The following DUSP16 variants were observed in gnomAD, a reference collection of about 807,000 sequenced individuals.
The protein encoded by DUSP16 is dual specificity phosphatase 16.
In DUSP16, 21 loss-of-function variants were observed where a neutral mutation model predicts 58.3. The ratio of observed to expected loss-of-function variants is 0.36; its 90% CI spans 0.26 to 0.52. The LOEUF is 0.52. DUSP16 is among the 20% of genes least tolerant of loss of function. The pLI, the probability that DUSP16 is intolerant of heterozygous loss-of-function variation, is 0.94. For synonymous variants in DUSP16, 320 were observed against 323.8 expected (o/e 0.99, Z 0.12); for missense variants, 726 against 819.0 (o/e 0.89, Z 1.39).
chr12:12,555,964 C>T (rs899784888), intron 1 of DUSP16, among the ~76,000 whole-genome samples: 8 of 152,014 alleles, frequency 5.3e-5, no homozygotes, highest in Non-Finnish European at 7.4e-5. Flanking sequence ...TCCCTTGAAC[C>T]GAGGAAGTCA....
intron 4 of DUSP16, among the ~76,000 whole-genome samples, chr12:12,495,541 T>C (rs1286888575): frequency 1.3e-5 from 2 of 152,230 alleles, no homozygotes; most frequent in Non-Finnish European, 2.9e-5. Context: ...AGCTTTCTCC[T>C]GCAGTCAGAC....
Position 12,474,851 on chromosome 12 carries a change from A to C in DUSP16, c.*1982T>G, listed in dbSNP as rs528563975. 2 of 152,376 alleles carry C rather than the reference A, an allele frequency of 1.3e-5. No individual in the cohort carries two copies. Among genetic ancestry groups the C allele is most frequent in the South Asian group, 4.1e-4 (2 of 4,830 alleles). 9.4% of individuals were successfully genotyped at this position (152,376 alleles called of 1,614,324 possible). A position where few individuals can be genotyped will look rare whatever the true frequency, so the allele number is the denominator to read the frequency against. On this transcript the variant is annotated 3_prime_UTR_variant, in exon 7 of 7. Coordinates refer to ENST00000298573, the MANE Select transcript of DUSP16 (RefSeq NM_030640.3). ...TTTGGTGTGTGTGTACATAACATCA[A>C]AAACTACTGTGTGAAACTTGAGAAT...
Position 12,493,596 on chromosome 12 carries a change from C to T in DUSP16, c.532-6409G>A, listed in dbSNP as rs1362661049. Among the ~76,000 whole-genome samples the T allele has an allele frequency of 2.0e-5, 3 of 152,160 alleles. No individual in the cohort carries two copies. The East Asian group carries it at 5.8e-4, about 29-fold the overall frequency. ...GTCTGGATCTGCTCCTGTTACCTCT[C>T]TGACGACACTCTCCCATGCTCACTC... On this transcript the variant is annotated intron_variant, in intron 4 of 6. Transcript: ENST00000298573.
rs929519869 is a variant in DUSP16, at chr12:12,475,557, G to A, written c.*1276C>T. On this transcript the variant is annotated 3_prime_UTR_variant, in exon 7 of 7. Transcript: ENST00000298573. Reference sequence around the variant, plus strand: ...AATGGTCTTCTCAGCTTTCTCAACCGTTTTATTCTGAATATTCCTTCCTCA... The same window carrying A: ...AATGGTCTTCTCAGCTTTCTCAACCATTTTATTCTGAATATTCCTTCCTCA... 2.0e-5 allele frequency: 3 copies of A among 152,144 alleles called. No individual in the cohort carries two copies. Among genetic ancestry groups the A allele is most frequent in the African/African-American group, 7.2e-5 (3 of 41,422 alleles). 9.4% of individuals were successfully genotyped at this position (152,144 alleles called of 1,614,324 possible).
chr12:12,555,762 G>A (rs1018220739), intron 1 of DUSP16, among the ~76,000 whole-genome samples: 16 of 152,256 alleles, frequency 1.1e-4, no homozygotes, highest in African/African-American at 3.9e-4. Context: ...CTAAATTAAG[G>A]CCAAGCATGG....
At chr12:12,512,552 CAT>C (rs1021921913) in intron 3 of DUSP16, among the ~76,000 whole-genome samples, 1 of 152,180 alleles carries the variant, frequency 6.6e-6, no homozygotes, top group Non-Finnish European at 1.5e-5. Context: ...TTTAGATCCA[CAT>C]GTGATACCAT....
At chr12:12,488,702 A>G (rs868042777) in intron 4 of DUSP16, among the ~76,000 whole-genome samples, 4 of 152,206 alleles carry the variant, frequency 2.6e-5, no homozygotes, top group South Asian at 2.1e-4. Flanking sequence ...TTTTCTTCCT[A>G]TATTACCCTT....
chr12:12,558,833 C>T (rs1944851531), intron 1 of DUSP16, among the ~76,000 whole-genome samples: 1 of 152,198 alleles, frequency 6.6e-6, no homozygotes, highest in Non-Finnish European at 1.5e-5. Flanking sequence ...TCTTTCCTTT[C>T]ATGGCAAGAT....
intron 1 of DUSP16, among the ~76,000 whole-genome samples, chr12:12,523,922 C>T (rs1359377033): frequency 2.0e-5 from 3 of 152,236 alleles, no homozygotes; most frequent in South Asian, 2.1e-4. Flanking sequence ...AGTGGAAATC[C>T]GAGAACAAGA....
At chr12:12,505,126 T>G (rs1943973444) in intron 3 of DUSP16, among the ~76,000 whole-genome samples, 1 of 152,208 alleles carries the variant, frequency 6.6e-6, no homozygotes, top group Non-Finnish European at 1.5e-5. Flanking sequence ...CTAATCCCAT[T>G]TATAGATAAG....
chr12:12,536,792 C>A (rs1944470728), intron 1 of DUSP16, among the ~76,000 whole-genome samples: 1 of 151,678 alleles, frequency 6.6e-6, no homozygotes, highest in Non-Finnish European at 1.5e-5. Context: ...AATCCCAACA[C>A]TTTGGGAGGC....
Position 12,476,886 on chromosome 12 carries a change from C to T in DUSP16, c.1945G>A (p.Val649Met). ...ENRSREELGK[V>M]GSQSSFSGSM... is the part of the protein sequence containing the mutation. ...CCCGAAAAGCTAGACTGACTGCCCA[C>T]TTTCCCCAGCTCTTCCCGTGACCTG... The change falls in exon 7 of 7, where the codon GTG (valine) becomes ATG (methionine). Residue 649 changes from valine to methionine, a missense_variant. Val to Met is a conservative substitution (Grantham distance 21). Transcript: ENST00000298573. 1 of 1,613,234 alleles carries T rather than the reference C, an allele frequency of 6.2e-7. No individual in the cohort carries two copies. The highest frequency in any genetic ancestry group is 2.2e-5 in the East Asian group (1 of 44,880).
intron 1 of DUSP16, among the ~76,000 whole-genome samples, chr12:12,540,396 C>T (rs1308146091): frequency 2.6e-5 from 4 of 152,204 alleles, no homozygotes; most frequent in African/African-American, 2.4e-5. Flanking sequence ...CAGGAGTTTT[C>T]GTAACATATT....
Position 12,477,727 on chromosome 12 carries a change from C to T in DUSP16, c.1104G>A (p.Pro368=), listed in dbSNP as rs752199007. ...CCAGCGGGCTGTCCTCTAACAGCGA[C>T]GGCTGCACGCTGGGCACGCTGGGCA... is the stretch of plus-strand genomic sequence containing the variant. ...ASVPSVPSVQ[P]SLLEDSPLVQ... Residue 368 remains proline (P), a synonymous_variant, in exon 7 of 7, where the codon CCG becomes CCA. Transcript: ENST00000298573. This position sits in a 1 kb window ranked among gnomAD's most constrained non-coding sequence, Gnocchi z 4.1. The T allele has an allele frequency of 2.3e-5, 37 of 1,610,196 alleles. No individual in the cohort carries two copies. In the East Asian group the frequency reaches 4.1e-4, roughly 18 times the overall value.
rs142020202 is a variant in DUSP16, at chr12:12,523,250, G to C, written c.-365-1787C>G. Among the ~76,000 whole-genome samples, 678 of 152,190 alleles carry C rather than the reference G, an allele frequency of 4.5e-3. 6 individuals carry two copies. Among genetic ancestry groups the C allele is most frequent in the African/African-American group, 0.015 (629 of 41,500 alleles). On this transcript the variant is annotated intron_variant, in intron 1 of 6. Coordinates refer to ENST00000298573, the MANE Select transcript of DUSP16 (RefSeq NM_030640.3). ...CCTCATCTCTTCAAATTTGGTCTGAGAACAAAATTATCTAATTTATTGAAA... is the reference window on the plus strand; with the variant it reads ...CCTCATCTCTTCAAATTTGGTCTGACAACAAAATTATCTAATTTATTGAAA...
At chr12:12,497,351 G>A (rs1012346586) in intron 4 of DUSP16, among the ~76,000 whole-genome samples, 1 of 152,152 alleles carries the variant, frequency 6.6e-6, no homozygotes, top group South Asian at 2.1e-4. Flanking sequence ...ATAGACTTAA[G>A]ATTTCAGTCC....
intron 3 of DUSP16, among the ~76,000 whole-genome samples, chr12:12,513,107 A>T (rs1480331250): frequency 6.6e-6 from 1 of 152,244 alleles, no homozygotes; most frequent in East Asian, 1.9e-4. Context: ...CGTAGGTCTA[A>T]CTACAATAGT....
intron 1 of DUSP16, among the ~76,000 whole-genome samples, chr12:12,558,560 T>C (rs1228897332): frequency 2.6e-5 from 4 of 152,074 alleles, no homozygotes; most frequent in Non-Finnish European, 5.9e-5. Flanking sequence ...AATTTTTTGA[T>C]TTTCTGTGGA....
At chr12:12,514,785 T>A in intron 3 of DUSP16, among the ~76,000 whole-genome samples, 1 of 152,146 alleles carries the variant, frequency 6.6e-6, no homozygotes, top group East Asian at 1.9e-4. Context: ...GCCTTCCAAG[T>A]AGCTGGGACT....
Sources: gnomAD v4.1 joint callset for allele counts (sites outside exome capture counted in the v4.1 genomes callset) on GRCh38, gnomAD v4.1.1 for gene constraint, Gnocchi (gnomAD v3.1) non-coding constraint, MANE v1.5 for transcripts, NCBI Gene and HGNC (gene_info 2026-07-23, HGNC 2026-07-21) for gene names.